The following IFT122 variants were observed in gnomAD, a reference collection of about 807,000 sequenced individuals.
IFT122 encodes the protein intraflagellar transport 122, also known as intraflagellar transport protein 122 homolog.
A neutral mutation model predicts 161.6 loss-of-function variants in IFT122; 118 were observed. That is an observed-to-expected ratio of 0.73 (90% CI 0.63 to 0.85). The LOEUF is 0.85. Among genes scored for constraint, IFT122 ranks in the 40% least tolerant of loss-of-function variants. IFT122 has a pLI of 0.00. For missense variants in IFT122, 1,381 were observed against 1,579.6 expected (o/e 0.87, Z 2.13); for synonymous variants, 550 against 602.4 (o/e 0.91, Z 1.27).
Position 129,514,496 on chromosome 3 carries a change from A to G in IFT122, c.3095A>G (p.Gln1032Arg). Residue 1032 changes from glutamine to arginine, a missense_variant, in exon 25 of 30, where the codon CAA becomes CGA. This residue lies in a region of IFT122 where 496 missense variants were observed against 502.5 expected (regional missense o/e 0.99). Coordinates refer to ENST00000348417, the MANE Select transcript of IFT122 (RefSeq NM_052989.3). ...LRGLYIPARF[Q>R]KSIELGTLTI... ...GGCCTGTACATCCCTGCCAGATTCC[A>G]AAAGTCCATTGAGCTGGGTACCCTG... 1 of 1,614,194 alleles carries G rather than the reference A, an allele frequency of 6.2e-7. No individual in the cohort carries two copies. Among genetic ancestry groups the G allele is most frequent in the Non-Finnish European group, 8.5e-7 (1 of 1,180,006 alleles).
At chr3:129,441,359 CTT>C (rs1056548996) in intron 1 of IFT122, among the ~76,000 whole-genome samples, 50 of 152,282 alleles carry the variant, frequency 3.3e-4, no homozygotes, top group African/African-American at 9.1e-4. Context: ...CGGGTCCTCT[CTT>C]TTGTGTTCGG....
rs758423458 is a variant in IFT122 at position 129,478,134 on chromosome 3, G to T, written c.1266G>T (p.Met422Ile). Residue 422 changes from methionine (M) to isoleucine (I), a missense_variant, in exon 12 of 30, where the codon ATG (methionine) becomes ATT (isoleucine). Around this residue, in one of 7 missense-constraint regions of IFT122, gnomAD observed 544 missense variants for 648.0 expected, o/e 0.84. Coordinates refer to ENST00000348417, the MANE Select transcript of IFT122 (RefSeq NM_052989.3). Reference protein sequence around the residue: ...YELYSEDLSDMHYRVKEKIIK... With the variant: ...YELYSEDLSDIHYRVKEKIIK... ...TGTATTCAGAGGACTTATCAGACAT[G>T]CATTACCGGGTAAAGGAGAAGATTA... is the stretch of plus-strand genomic sequence containing the variant. The T allele has an allele frequency of 1.2e-6, 2 of 1,614,156 alleles. No individual in the cohort carries two copies. The highest frequency in any genetic ancestry group is 2.2e-5 in the South Asian group (2 of 91,084).
intron 9 of IFT122, among the ~76,000 whole-genome samples, chr3:129,470,273 A>AT (rs1000344796): frequency 1.3e-5 from 2 of 150,758 alleles, no homozygotes; most frequent in African/African-American, 2.4e-5. Flanking sequence ...TTTATTTTTA[A>AT]TTTTTTTCGA....
chr3:129,516,219 GCA>G (rs141548504), intron 26 of IFT122, among the ~76,000 whole-genome samples: 2 of 113,864 alleles, frequency 1.8e-5, no homozygotes, highest in East Asian at 2.8e-4. Context: ...GACTGCCTCT[GCA>G]CACACACACA....
Position 129,499,809 on chromosome 3 carries a change from T to C in IFT122, c.2209-93T>C, listed in dbSNP as rs1056054820. The stretch of plus-strand genomic sequence containing the variant: ...ACCTCCTGGTTGCCTGCTTCAGCCA[T>C]GTGGAGCCCGCCCTTGCTGCTAGAA... On this transcript the variant is annotated intron_variant, in intron 18 of 29. Coordinates refer to ENST00000348417, the MANE Select transcript of IFT122 (RefSeq NM_052989.3). 15 of 1,503,466 alleles carry C rather than the reference T, an allele frequency of 1.0e-5. No homozygotes were observed. In the African/African-American group the frequency reaches 1.4e-4, roughly 14 times the overall value. 93.1% of individuals were successfully genotyped at this position (1,503,466 alleles called of 1,614,324 possible). A position where few individuals can be genotyped will look rare whatever the true frequency, so the allele number is the denominator to read the frequency against.
chr3:129,475,024 A>G (rs2077749818), intron 9 of IFT122, among the ~76,000 whole-genome samples: 2 of 152,140 alleles, frequency 1.3e-5, no homozygotes, highest in South Asian at 4.1e-4. Context: ...GTGTGGTGGT[A>G]TATGCCTCTA....
Position 129,450,705 on chromosome 3 carries a change from G to T in IFT122, c.108+768G>T, listed in dbSNP as rs1040852487. 2.8e-5 allele frequency among the ~76,000 whole-genome samples: 4 copies of T among 145,136 alleles called. No individual in the cohort carries two copies. In the South Asian group the frequency reaches 6.6e-4, roughly 24 times the overall value. ...CCGCTTGATTTCTCAGATGGTGTGT[G>T]TGTGTGTGTTTTTTTTTTTTTTTTT... is the stretch of plus-strand genomic sequence containing the variant. On this transcript the variant is annotated intron_variant, in intron 2 of 29. Transcript: ENST00000348417.
chr3:129,450,026 T>TG (rs2074569941), intron 2 of IFT122, 89 bp downstream of exon 2: 1 of 835,464 alleles, frequency 1.2e-6, no homozygotes. Context: ...TTTTTTTTTT[T>TG]GAGATTAAAA....
chr3:129,450,013 T>A, intron 2 of IFT122, 76 bp downstream of exon 2: 2 of 464,096 alleles, frequency 4.3e-6, no homozygotes, highest in Non-Finnish European at 6.9e-6. Flanking sequence ...ATTTGACCCT[T>A]TTTTTTTTTT....
chr3:129,484,241 G>A (rs548818627), intron 15 of IFT122, among the ~76,000 whole-genome samples: 3 of 152,190 alleles, frequency 2.0e-5, no homozygotes, highest in East Asian at 1.9e-4. Context: ...ACAGACAGGC[G>A]CCTGAGATTG....
intron 13 of IFT122, 67 bp from the exon 14 acceptor site, chr3:129,481,463 G>A (rs2078635338): frequency 1.0e-5 from 14 of 1,349,056 alleles, no homozygotes; most frequent in Admixed American, 1.7e-5. Context: ...GGATTCCAAC[G>A]GCCTGGCAGT....
chr3:129,460,829 G>A, intron 4 of IFT122: 1 of 1,590,704 alleles, frequency 6.3e-7, no homozygotes, highest in Non-Finnish European at 8.6e-7. Context: ...TTTCATTGTT[G>A]TCTAAGGATT....
intron 20 of IFT122, chr3:129,504,114 G>T: frequency 2.0e-4 from 104 of 529,420 alleles, no homozygotes; most frequent in East Asian, 2.4e-4. Context: ...CCAGTCGCTT[G>T]CATATTGCTG....
chr3:129,453,238 G>A (rs775856007), intron 3 of IFT122, among the ~76,000 whole-genome samples: 66 of 152,108 alleles, frequency 4.3e-4, no homozygotes, highest in Non-Finnish European at 4.7e-4. Flanking sequence ...GAGGCCAGCA[G>A]ATGGGGACAA....
chr3:129,503,840 C>G (rs772500842), intron 20 of IFT122: 1 of 234,796 alleles, frequency 4.3e-6, no homozygotes, highest in Non-Finnish European at 8.4e-6. Flanking sequence ...GGCTCATGTC[C>G]GGTTCTCCTG....
At chr3:129,517,258 C>G (rs962752856) in intron 26 of IFT122, among the ~76,000 whole-genome samples, 18 of 137,092 alleles carry the variant, frequency 1.3e-4, no homozygotes, top group African/African-American at 2.7e-4. Flanking sequence ...CACACACACA[C>G]ATTGCTCCTG....
chr3:129,459,184 C>A, intron 4 of IFT122: 3 of 406,008 alleles, frequency 7.4e-6, no homozygotes, highest in Non-Finnish European at 1.5e-5. Flanking sequence ...AGGTCTCTTT[C>A]GAGGCATTTC....
intron 3 of IFT122, among the ~76,000 whole-genome samples, chr3:129,456,771 C>G (rs1040586641): frequency 1.5e-4 from 23 of 151,912 alleles, no homozygotes; most frequent in Non-Finnish European, 2.2e-4. Context: ...AAAAAATTAG[C>G]CAGGTGTGGT....
In IFT122 at chr3:129,512,397, C is replaced by T. The variant is rs747295684; in HGVS notation, c.2972C>T (p.Ser991Leu). The T allele has an allele frequency of 7.5e-6, 12 of 1,608,288 alleles. No homozygotes were observed. Among genetic ancestry groups the T allele is most frequent in the African/African-American group, 4.0e-5 (3 of 74,790 alleles). ...LLHSLPKDTPSGISKVKILFT... is the reference protein window; with the variant it reads ...LLHSLPKDTPLGISKVKILFT... ...CACAGCCTGCCCAAGGACACCCCCT[C>T]GGGCATCTCTAAAGTGTATCCTTTC... Residue 991 changes from serine to leucine, a missense_variant, in exon 24 of 30, where the codon TCG (serine) becomes TTG (leucine). This residue lies in a region of IFT122 where 496 missense variants were observed against 502.5 expected (regional missense o/e 0.99). Transcript: ENST00000348417.
Sources: gnomAD v4.1 joint callset for allele counts (sites outside exome capture counted in the v4.1 genomes callset) on GRCh38, gnomAD v4.1.1 for gene constraint, gnomAD v4.1.1 regional missense constraint, MANE v1.5 for transcripts, NCBI Gene and HGNC (gene_info 2026-07-23, HGNC 2026-07-21) for gene names.